Variants in NKAIN2 observed in about 807,000 individuals in gnomAD.
The protein encoded by NKAIN2 is sodium/potassium transporting ATPase interacting 2.
In NKAIN2, 14 loss-of-function variants were observed where a neutral mutation model predicts 32.6. The ratio of observed to expected loss-of-function variants is 0.43; its 90% CI spans 0.28 to 0.67. NKAIN2 has a LOEUF of 0.67. Among genes scored for constraint, NKAIN2 ranks in the 30% least tolerant of loss-of-function variants. NKAIN2 has a pLI of 0.17. For missense variants in NKAIN2, 198 were observed against 258.3 expected, an observed-to-expected ratio of 0.77 and a Z score of 1.60; for synonymous variants, 80 against 87.2, an observed-to-expected ratio of 0.92 and a Z score of 0.46.
At chr6:124,085,466 C>T (rs551227339) in intron 1 of NKAIN2, among the ~76,000 whole-genome samples, 27 of 151,112 alleles carry the variant, frequency 1.8e-4, no homozygotes, top group African/African-American at 6.1e-4. Flanking sequence ...TAGGCAGTGG[C>T]CCTTTGTGTT....
At chr6:124,244,617 C>T (rs1038622524) in intron 1 of NKAIN2, among the ~76,000 whole-genome samples, 26 of 151,928 alleles carry the variant, frequency 1.7e-4, no homozygotes, top group African/African-American at 4.1e-4. Flanking sequence ...AAAATACAAA[C>T]GGGTATCCAC....
chr6:124,415,626 G>A (rs1313296623), intron 3 of NKAIN2, among the ~76,000 whole-genome samples: 2 of 152,098 alleles, frequency 1.3e-5, no homozygotes, highest in African/African-American at 4.8e-5. Context: ...TGATTGGAGG[G>A]TGAGACTGAA....
At chr6:123,847,191 C>T (rs1479673119) in intron 1 of NKAIN2, among the ~76,000 whole-genome samples, 1 of 152,160 alleles carries the variant, frequency 6.6e-6, no homozygotes, top group Non-Finnish European at 1.5e-5. Context: ...CATATTCTGC[C>T]ATCTCTGAAG....
At chr6:124,277,917 G>A (rs1795112090) in intron 1 of NKAIN2, among the ~76,000 whole-genome samples, 1 of 150,092 alleles carries the variant, frequency 6.7e-6, no homozygotes. Context: ...AGTTTCAAAA[G>A]CCCATTTTTT....
At chr6:124,372,624 A>G (rs1309616709) in intron 3 of NKAIN2, among the ~76,000 whole-genome samples, 1 of 152,190 alleles carries the variant, frequency 6.6e-6, no homozygotes, top group Admixed American at 6.5e-5. Flanking sequence ...CTGACTAAAA[A>G]CAAGTTACCA....
At chr6:124,749,322 C>T (rs1293769020) in intron 4 of NKAIN2, among the ~76,000 whole-genome samples, 1 of 151,846 alleles carries the variant, frequency 6.6e-6, no homozygotes, top group Non-Finnish European at 1.5e-5. Context: ...GAATAATTTC[C>T]CCATCTCAAG....
intron 1 of NKAIN2, among the ~76,000 whole-genome samples, chr6:124,104,327 C>T (rs901853221): frequency 6.6e-6 from 1 of 152,026 alleles, no homozygotes; most frequent in Non-Finnish European, 1.5e-5. Flanking sequence ...TATGTTTTTA[C>T]AGAAGAGGTA....
chr6:124,302,080 G>A (rs1252957047), intron 2 of NKAIN2, among the ~76,000 whole-genome samples: 1 of 152,128 alleles, frequency 6.6e-6, no homozygotes, highest in Non-Finnish European at 1.5e-5. Context: ...AATCATGGGG[G>A]CCACTTCCCC....
intron 1 of NKAIN2, among the ~76,000 whole-genome samples, chr6:124,111,862 G>T (rs1785400887): frequency 6.6e-6 from 1 of 151,682 alleles, no homozygotes; most frequent in Non-Finnish European, 1.5e-5. Context: ...GTGTGTGTGT[G>T]TGGTTACCTT....
chr6:124,673,842 A>G (rs1275372338), intron 4 of NKAIN2, among the ~76,000 whole-genome samples: 1 of 151,768 alleles, frequency 6.6e-6, no homozygotes, highest in African/African-American at 2.4e-5. Flanking sequence ...TTGCCTTTTC[A>G]GTCTGTTTAT....
chr6:123,858,558 G>C (rs1051784731), intron 1 of NKAIN2, among the ~76,000 whole-genome samples: 1 of 152,172 alleles, frequency 6.6e-6, no homozygotes, highest in African/African-American at 2.4e-5. Flanking sequence ...AGGAATACAG[G>C]ATAGAGGTCA....
chr6:124,245,666 CATT>C (rs1793358995), intron 1 of NKAIN2, among the ~76,000 whole-genome samples: 1 of 151,992 alleles, frequency 6.6e-6, no homozygotes. Context: ...TGGAATATAT[CATT>C]GTGTCAGGAG....
intron 1 of NKAIN2, among the ~76,000 whole-genome samples, chr6:123,951,065 C>A (rs1165782798): frequency 1.3e-5 from 2 of 152,038 alleles, no homozygotes; most frequent in East Asian, 3.9e-4. Context: ...TCTATTTATA[C>A]AATTTCCAAT....
At chr6:124,030,653 A>G (rs945704593) in intron 1 of NKAIN2, among the ~76,000 whole-genome samples, 13 of 152,222 alleles carry the variant, frequency 8.5e-5, no homozygotes, top group Admixed American at 3.9e-4. Context: ...GTTAAGAAGT[A>G]ACTCCATGAT....
chr6:123,904,512 C>T (rs1774761609), intron 1 of NKAIN2, among the ~76,000 whole-genome samples: 1 of 152,308 alleles, frequency 6.6e-6, no homozygotes, highest in Non-Finnish European at 1.5e-5. Context: ...GTTACCCTCT[C>T]AGACTTTTGC....
chr6:124,679,161 C>A (rs967866000), intron 4 of NKAIN2, among the ~76,000 whole-genome samples: 1 of 151,910 alleles, frequency 6.6e-6, no homozygotes, highest in East Asian at 1.9e-4. Flanking sequence ...AAAAAATAAT[C>A]CTGAATATTG....
chr6:124,204,993 A>AG (rs879661184), intron 1 of NKAIN2, among the ~76,000 whole-genome samples: 132 of 151,834 alleles, frequency 8.7e-4, no homozygotes, highest in Admixed American at 2.4e-3. Context: ...AGCAAAAAAA[A>AG]AAGCCTATAT....
intron 1 of NKAIN2, among the ~76,000 whole-genome samples, chr6:123,958,701 A>G (rs1777709167): frequency 6.6e-6 from 1 of 152,222 alleles, no homozygotes. Context: ...ACCACTGGCT[A>G]TTACATATTT....
chr6:124,639,962 A>G (rs1181534205), intron 3 of NKAIN2, among the ~76,000 whole-genome samples: 4 of 152,152 alleles, frequency 2.6e-5, no homozygotes. Flanking sequence ...ATATTTTCAA[A>G]TAGCTAGAAG....
Sources: allele counts gnomAD v4.1 joint callset (sites outside exome capture counted in the v4.1 genomes callset), GRCh38; gene constraint gnomAD v4.1.1; transcripts MANE v1.5; gene names NCBI Gene and HGNC (gene_info 2026-07-23, HGNC 2026-07-21).